Variants in SLC39A12 observed in about 807,000 individuals in gnomAD.
The protein encoded by SLC39A12 is zinc transporter ZIP12.
A neutral mutation model predicts 71.1 loss-of-function variants in SLC39A12; 63 were observed. The ratio of observed to expected loss-of-function variants is 0.89; its 90% CI spans 0.72 to 1.09. SLC39A12 has a LOEUF of 1.09. Among genes scored for constraint, SLC39A12 ranks in the 50% least tolerant of loss-of-function variants. The pLI, the probability that SLC39A12 is intolerant of heterozygous loss-of-function variation, is 0.00. For synonymous variants in SLC39A12, 351 were observed against 301.3 expected (o/e 1.16, Z -1.71); for missense variants, 892 against 812.6 (o/e 1.10, Z -1.19).
At position 17,953,502 on chromosome 10, in the gene SLC39A12, C is replaced by T. The variant is rs1589215195; in HGVS notation, c.226C>T (p.Arg76Trp). Residue 76 changes from arginine (R) to tryptophan (W), a missense_variant, in exon 2 of 13, where the codon CGG becomes TGG. Transcript: ENST00000377369. ...ATTGTTGGAGAAAACTGGGTGCCCA[C>T]GGAGGAGAAACGGAATGCAAGGAGA... is the stretch of plus-strand genomic sequence containing the variant. ...KTLLEKTGCP[R>W]RRNGMQGDCN... is the part of the protein sequence containing the mutation. The T allele has an allele frequency of 1.2e-6, 2 of 1,614,026 alleles. No individual in the cohort carries two copies. Among genetic ancestry groups the T allele is most frequent in the South Asian group, 1.1e-5 (1 of 91,056 alleles).
At chr10:18,016,976 T>C (rs1341236607) in intron 12 of SLC39A12, among the ~76,000 whole-genome samples, 1 of 152,216 alleles carries the variant, frequency 6.6e-6, no homozygotes, top group Non-Finnish European at 1.5e-5. Flanking sequence ...TCCCCAAGTC[T>C]GTGGCTTATC....
intron 4 of SLC39A12, 51 bp downstream of exon 4, chr10:17,965,741 C>A: frequency 6.8e-7 from 1 of 1,465,204 alleles, no homozygotes; most frequent in Non-Finnish European, 9.5e-7. Flanking sequence ...GCTAAATAAA[C>A]TATGCCAAAA....
At chr10:17,975,104 G>A (rs1835077408) in intron 4 of SLC39A12, among the ~76,000 whole-genome samples, 1 of 152,242 alleles carries the variant, frequency 6.6e-6, no homozygotes, top group South Asian at 2.1e-4. Flanking sequence ...AGGCCCAAGG[G>A]CTCTTGAATC....
chr10:18,011,679 T>C (rs1311818968), intron 12 of SLC39A12, among the ~76,000 whole-genome samples: 2 of 152,196 alleles, frequency 1.3e-5, no homozygotes, highest in Non-Finnish European at 2.9e-5. Context: ...ACTGAATCAC[T>C]TCCCCTAAGG....
At chr10:18,036,794 A>ATATATATTTTT (rs1554855475) in intron 12 of SLC39A12, among the ~76,000 whole-genome samples, 14 of 92,844 alleles carry the variant, frequency 1.5e-4, no homozygotes, top group South Asian at 4.4e-4. Context: ...ATATATATAT[A>ATATATATTTTT]TTTTTTTTTT....
chr10:17,982,327 T>C (rs1297105872), intron 6 of SLC39A12, among the ~76,000 whole-genome samples: 1 of 152,138 alleles, frequency 6.6e-6, no homozygotes, highest in Non-Finnish European at 1.5e-5. Flanking sequence ...AATTTAAAGC[T>C]CTGTATATTT....
At chr10:17,994,779 T>G (rs1253723574) in intron 9 of SLC39A12, among the ~76,000 whole-genome samples, 1 of 152,198 alleles carries the variant, frequency 6.6e-6, no homozygotes, top group Non-Finnish European at 1.5e-5. Context: ...ACGTGAACTT[T>G]ACTAATGTGT....
rs781696839 is a variant in SLC39A12, at chr10:17,991,281, T to C, written c.1400T>C (p.Leu467Pro). ...TTCTTGATAGAAAAATGTTTTATTCTTCTTGTATCACCAAATGACAAGGTA... is the reference window on the plus strand; with the variant it reads ...TTCTTGATAGAAAAATGTTTTATTCCTCTTGTATCACCAAATGACAAGGTA... Reference protein sequence around the residue: ...GFFLIEKCFILLVSPNDKQGL... With the variant: ...GFFLIEKCFIPLVSPNDKQGL... The change falls in exon 8 of 13, where the codon CTT becomes CCT. Residue 467 changes from leucine (L) to proline (P), a missense_variant. Physicochemically the swap from Leu to Pro is moderately conservative, Grantham distance 98. Coordinates refer to ENST00000377369, the MANE Select transcript of SLC39A12 (RefSeq NM_001145195.2). 4.4e-6 allele frequency: 7 copies of C among 1,591,196 alleles called. No homozygotes were observed. The highest frequency in any genetic ancestry group is 4.3e-6 in the Non-Finnish European group (5 of 1,173,202).
rs1225896283 is a variant in SLC39A12, at chr10:17,961,487, T to C, written c.262-94T>C. 5.0e-6 allele frequency: 6 copies of C among 1,211,002 alleles called. No homozygotes were observed. The African/African-American group carries it at 9.2e-5, about 19-fold the overall frequency. 75.0% of individuals were successfully genotyped at this position (1,211,002 alleles called of 1,614,324 possible). A position where few individuals can be genotyped will look rare whatever the true frequency, so the allele number is the denominator to read the frequency against. ...CTGCTTTTCCTTTCTGTTTATAAAA[T>C]GATAAGCAATGAAGACCCTGGTGGT... On this transcript the variant is annotated intron_variant, in intron 2 of 12. Coordinates refer to ENST00000377369, the MANE Select transcript of SLC39A12 (RefSeq NM_001145195.2).
intron 12 of SLC39A12, among the ~76,000 whole-genome samples, chr10:18,032,704 G>A (rs939994146): frequency 6.6e-6 from 1 of 152,036 alleles, no homozygotes; most frequent in East Asian, 1.9e-4. Context: ...GGAGTGGTGA[G>A]GGAGGGCATC....
intron 6 of SLC39A12, 41 bp from the exon 7 acceptor site, chr10:17,987,438 G>A: frequency 6.2e-7 from 1 of 1,601,124 alleles, no homozygotes. Context: ...GGAATGGAGG[G>A]CACTGGGCAC....
In SLC39A12 at chr10:17,983,777, A is replaced by T. The variant is rs186107235; in HGVS notation, c.1096+2294A>T. Among the ~76,000 whole-genome samples, 15 of 152,300 alleles carry T rather than the reference A, an allele frequency of 9.8e-5. No individual in the cohort carries two copies. The East Asian group carries it at 2.9e-3, about 29-fold the overall frequency. ...AGCCTGGGCGACAGGGAGAGACTCC[A>T]TCTCAAAAAACAAAACAAAACAAAA... On this transcript the variant is annotated intron_variant, in intron 6 of 12. Coordinates refer to ENST00000377369, the MANE Select transcript of SLC39A12 (RefSeq NM_001145195.2).
chr10:17,999,294 C>CAAAAAAAAA (rs59734258), intron 10 of SLC39A12, among the ~76,000 whole-genome samples: 3 of 70,360 alleles, frequency 4.3e-5, no homozygotes, highest in African/African-American at 1.5e-4. Flanking sequence ...GACTCCATCT[C>CAAAAAAAAA]AAAAAAAAAA....
intron 4 of SLC39A12, among the ~76,000 whole-genome samples, chr10:17,972,972 T>G (rs1339289125): frequency 6.6e-6 from 1 of 152,118 alleles, no homozygotes; most frequent in Non-Finnish European, 1.5e-5. Flanking sequence ...TTTAGTTTCT[T>G]GCTTTTATTT....
chr10:17,979,547 G>A (rs1363441438), intron 5 of SLC39A12, among the ~76,000 whole-genome samples: 1 of 152,064 alleles, frequency 6.6e-6, no homozygotes, highest in Admixed American at 6.6e-5. Context: ...TATTGTTGAT[G>A]ATGAAATAAT....
intron 12 of SLC39A12, among the ~76,000 whole-genome samples, chr10:18,031,038 A>T (rs1564663391): frequency 3.3e-5 from 5 of 150,970 alleles, no homozygotes; most frequent in African/African-American, 1.2e-4. Context: ...TTCTTAATCC[A>T]GTCTGTCATT....
intron 11 of SLC39A12, chr10:18,002,169 G>A (rs971922956): frequency 4.6e-5 from 7 of 152,178 alleles, no homozygotes; most frequent in African/African-American, 1.7e-4. Flanking sequence ...GTAGAGGCTG[G>A]TCTGGCATAG....
At chr10:17,982,690 G>A (rs140990855) in intron 6 of SLC39A12, among the ~76,000 whole-genome samples, 4 of 151,910 alleles carry the variant, frequency 2.6e-5, no homozygotes, top group African/African-American at 9.6e-5. Context: ...GAAAATGGAT[G>A]AAGACAGCAC....
intron 12 of SLC39A12, among the ~76,000 whole-genome samples, chr10:18,028,692 G>T (rs968185276): frequency 1.3e-5 from 2 of 151,992 alleles, no homozygotes; most frequent in African/African-American, 2.4e-5. Flanking sequence ...GAGGTTATAG[G>T]GATTGACTCA....
Sources: gnomAD v4.1 joint callset for allele counts (sites outside exome capture counted in the v4.1 genomes callset) on GRCh38, gnomAD v4.1.1 for gene constraint, MANE v1.5 for transcripts, NCBI Gene and HGNC (gene_info 2026-07-23, HGNC 2026-07-21) for gene names.